PKIG: variants seen among roughly 807,000 people sequenced by gnomAD.
The protein encoded by PKIG is cAMP-dependent protein kinase inhibitor gamma, also known as protein kinase (cAMP-dependent, catalytic) inhibitor gamma.
PKIG carries 1 observed loss-of-function variant against 6.8 expected under a neutral mutation model. The observed-to-expected ratio is 0.15, with a 90% confidence interval of 0.05 to 0.69. The LOEUF is 0.69. PKIG is among the 30% of genes least tolerant of loss of function. PKIG has a pLI of 0.82. For missense variants in PKIG, 77 were observed against 104.0 expected, an observed-to-expected ratio of 0.74 and a Z score of 1.13; for synonymous variants, 39 against 43.0, an observed-to-expected ratio of 0.91 and a Z score of 0.36.
chr20:44,577,120 T>G (rs1391870902), intron 1 of PKIG, among the ~76,000 whole-genome samples: 2 of 152,044 alleles, frequency 1.3e-5, no homozygotes, highest in Non-Finnish European at 2.9e-5. Flanking sequence ...GTGTGTGGTT[T>G]TTTTTTTGAG....
At chr20:44,567,437 T>C (rs2064819518) in intron 1 of PKIG, among the ~76,000 whole-genome samples, 1 of 152,232 alleles carries the variant, frequency 6.6e-6, no homozygotes, top group East Asian at 1.9e-4. Context: ...CATCTCGCTG[T>C]TCTAAAACTC....
In PKIG at chr20:44,614,828, G is replaced by T. The variant is rs543530326; in HGVS notation, c.151+121G>T. 3 of 1,013,236 alleles carry T rather than the reference G, an allele frequency of 3.0e-6. No individual in the cohort carries two copies. Among genetic ancestry groups the T allele is most frequent in the African/African-American group, 1.6e-5 (1 of 62,166 alleles). 62.8% of individuals were successfully genotyped at this position (1,013,236 alleles called of 1,614,324 possible). A position where few individuals can be genotyped will look rare whatever the true frequency, so the allele number is the denominator to read the frequency against. Reference sequence around the variant, plus strand: ...AGAGAAGAAACCACATTTAAGTCAGGCCTGCCCCATGGTCAGTGGCAGAGT... The same window carrying T: ...AGAGAAGAAACCACATTTAAGTCAGTCCTGCCCCATGGTCAGTGGCAGAGT... On this transcript the variant is annotated intron_variant, in intron 3 of 3. Transcript: ENST00000372886. The surrounding 1 kb of genome is among the most constrained non-coding windows in gnomAD (Gnocchi z 4.6).
At chr20:44,540,698 C>T (rs2064553839) in intron 1 of PKIG, among the ~76,000 whole-genome samples, 1 of 152,122 alleles carries the variant, frequency 6.6e-6, no homozygotes, top group Non-Finnish European at 1.5e-5. Flanking sequence ...CTGCCTCGGC[C>T]TCCTGAGTAG....
intron 1 of PKIG, among the ~76,000 whole-genome samples, chr20:44,545,206 G>C (rs1050995020): frequency 1.3e-5 from 2 of 151,840 alleles, no homozygotes; most frequent in Non-Finnish European, 2.9e-5. Context: ...AAAGTGCTGG[G>C]GTTACAGGTG....
intron 2 of PKIG, among the ~76,000 whole-genome samples, chr20:44,591,705 T>G (rs1248439754): frequency 6.6e-6 from 1 of 152,210 alleles, no homozygotes; most frequent in Non-Finnish European, 1.5e-5. Flanking sequence ...TCCTTATCTA[T>G]TAAATGAAGA....
chr20:44,552,137 ACATATTC>A (rs1438163393), intron 1 of PKIG, among the ~76,000 whole-genome samples: 1 of 152,198 alleles, frequency 6.6e-6, no homozygotes, highest in Non-Finnish European at 1.5e-5. Context: ...ACTACCCCTG[ACATATTC>A]CATTGATCTC....
At chr20:44,602,735 G>A (rs2123432951) in intron 2 of PKIG, among the ~76,000 whole-genome samples, 1 of 152,188 alleles carries the variant, frequency 6.6e-6, no homozygotes, top group Non-Finnish European at 1.5e-5. Context: ...CAGCTACTTG[G>A]GAGGCTGAGG....
At chr20:44,554,897 C>A (rs1301908053) in intron 1 of PKIG, among the ~76,000 whole-genome samples, 1 of 152,132 alleles carries the variant, frequency 6.6e-6, no homozygotes, top group East Asian at 1.9e-4. Flanking sequence ...GGAAAATAAT[C>A]ATCTTATTGA....
intron 1 of PKIG, among the ~76,000 whole-genome samples, chr20:44,532,876 A>C (rs957099351): frequency 9.2e-5 from 14 of 152,092 alleles, no homozygotes; most frequent in African/African-American, 2.9e-4. Flanking sequence ...CTTCTTGGGA[A>C]TCTGCAAGGA....
At chr20:44,601,077 A>G (rs2065117751) in intron 2 of PKIG, among the ~76,000 whole-genome samples, 1 of 152,116 alleles carries the variant, frequency 6.6e-6, no homozygotes, top group African/African-American at 2.4e-5. Context: ...GGAGGCCCAA[A>G]GGGTGTGGTG....
chr20:44,534,778 G>A (rs149481401), intron 1 of PKIG, among the ~76,000 whole-genome samples: 106 of 152,066 alleles, frequency 7.0e-4, no homozygotes, highest in African/African-American at 2.4e-3. Context: ...CTCATGCACC[G>A]TTCTTAATGA....
At chr20:44,605,194 A>T (rs1488241163) in intron 2 of PKIG, among the ~76,000 whole-genome samples, 1 of 151,854 alleles carries the variant, frequency 6.6e-6, no homozygotes, top group Admixed American at 6.6e-5. Flanking sequence ...TCACGAGGCC[A>T]GGAGATCGAG....
intron 1 of PKIG, among the ~76,000 whole-genome samples, chr20:44,583,004 G>A (rs2064961009): frequency 6.6e-6 from 1 of 152,188 alleles, no homozygotes; most frequent in Admixed American, 6.5e-5. Flanking sequence ...AGCTTTAAAA[G>A]CAGCTCCTTG....
At chr20:44,562,980 G>A (rs1448387126) in intron 1 of PKIG, among the ~76,000 whole-genome samples, 1 of 152,134 alleles carries the variant, frequency 6.6e-6, no homozygotes, top group Non-Finnish European at 1.5e-5. Context: ...AACCCAGGAG[G>A]CGGAGGTTGC....
chr20:44,615,557 A>C (rs1378886038), intron 3 of PKIG, among the ~76,000 whole-genome samples: 1 of 145,618 alleles, frequency 6.9e-6, no homozygotes, highest in Non-Finnish European at 1.5e-5. Flanking sequence ...TCAAGTCCAC[A>C]GTCAGCCTGG....
intron 3 of PKIG, among the ~76,000 whole-genome samples, chr20:44,616,836 C>G (rs2065269594): frequency 1.3e-5 from 2 of 152,208 alleles, no homozygotes; most frequent in African/African-American, 4.8e-5. Flanking sequence ...CCAGGCGCCA[C>G]CCCGCTGGGA....
chr20:44,567,256 G>A (rs1023584429), intron 1 of PKIG, among the ~76,000 whole-genome samples: 6 of 152,102 alleles, frequency 3.9e-5, no homozygotes, highest in South Asian at 2.1e-4. Context: ...CTGCCATTGC[G>A]CAGCACCTGT....
At chr20:44,551,142 C>T (rs1411557231) in intron 1 of PKIG, among the ~76,000 whole-genome samples, 2 of 152,148 alleles carry the variant, frequency 1.3e-5, no homozygotes, top group African/African-American at 2.4e-5. Context: ...CAAGCTTCGC[C>T]TCCCGGGTTC....
At chr20:44,555,065 G>A (rs2092646336) in intron 1 of PKIG, among the ~76,000 whole-genome samples, 1 of 152,064 alleles carries the variant, frequency 6.6e-6, no homozygotes, top group Non-Finnish European at 1.5e-5. Flanking sequence ...TTGACAGACT[G>A]CCAGAAATCA....
Sources: gnomAD v4.1 joint callset for allele counts (sites outside exome capture counted in the v4.1 genomes callset) on GRCh38, gnomAD v4.1.1 for gene constraint, Gnocchi (gnomAD v3.1) non-coding constraint, MANE v1.5 for transcripts, NCBI Gene and HGNC (gene_info 2026-07-23, HGNC 2026-07-21) for gene names.